NXPH1: variants seen among roughly 807,000 people sequenced by gnomAD.
NXPH1 encodes the protein neurexophilin-1.
A neutral mutation model predicts 23.7 loss-of-function variants in NXPH1; 5 were observed. The observed-to-expected ratio is 0.21, with a 90% confidence interval of 0.11 to 0.44. The LOEUF (loss-of-function observed/expected upper bound fraction) is 0.44. NXPH1 is among the 20% of genes least tolerant of loss of function. The pLI, the probability that NXPH1 is intolerant of heterozygous loss-of-function variation, is 0.99. For missense variants in NXPH1, 324 were observed against 321.6 expected (o/e 1.01, Z -0.06); for synonymous variants, 144 against 122.2 (o/e 1.18, Z -1.18).
Position 8,437,712 on chromosome 7 carries a change from G to T in NXPH1, c.54+1945G>T, listed in dbSNP as rs961658905. 2.6e-5 allele frequency among the ~76,000 whole-genome samples: 4 copies of T among 152,296 alleles called. No homozygotes were observed. In the South Asian group the frequency reaches 6.2e-4, roughly 24 times the overall value. On this transcript the variant is annotated intron_variant, in intron 2 of 2. Coordinates refer to ENST00000405863, the MANE Select transcript of NXPH1 (RefSeq NM_152745.3). ...TGCTGGATTTATTCTAATGCGCTGC[G>T]TTCTCAACAACAAGCGCATTAATTC...
intron 2 of NXPH1, among the ~76,000 whole-genome samples, chr7:8,648,464 T>A (rs1269347257): frequency 6.6e-6 from 1 of 152,214 alleles, no homozygotes; most frequent in Non-Finnish European, 1.5e-5. Context: ...GGATCTCCAG[T>A]TCCACCCGCG....
intron 2 of NXPH1, among the ~76,000 whole-genome samples, chr7:8,639,173 A>G (rs941036830): frequency 6.6e-6 from 1 of 152,180 alleles, no homozygotes. Context: ...TTTAATAACC[A>G]ACTAATAATA....
chr7:8,697,157 CAAAAAAAAAAAA>C (rs139349283), intron 2 of NXPH1, among the ~76,000 whole-genome samples: 1 of 104,890 alleles, frequency 9.5e-6, no homozygotes, highest in African/African-American at 3.6e-5. Flanking sequence ...GATTCTGTTT[CAAAAAAAAAAAA>C]AAAAAAAAAA....
At chr7:8,446,688 T>C (rs1240762758) in intron 2 of NXPH1, among the ~76,000 whole-genome samples, 1 of 152,188 alleles carries the variant, frequency 6.6e-6, no homozygotes, top group Admixed American at 6.5e-5. Flanking sequence ...CTACATTTTC[T>C]CATTTATTCT....
At chr7:8,585,278 A>T (rs974458955) in intron 2 of NXPH1, among the ~76,000 whole-genome samples, 1 of 152,222 alleles carries the variant, frequency 6.6e-6, no homozygotes, top group Non-Finnish European at 1.5e-5. Context: ...ACCTGCTGAC[A>T]GGTGCCCAGC....
rs186876840 is a variant in NXPH1, at chr7:8,448,334, C to T, written c.54+12567C>T. Among the ~76,000 whole-genome samples, 98 of 152,298 alleles carry T rather than the reference C, an allele frequency of 6.4e-4. 1 individual carries two copies. Among genetic ancestry groups the T allele is most frequent in the Admixed American group, 5.8e-3 (88 of 15,304 alleles). ...CTAACATTTTAGAAAGAAGGGTTTCCGGACCAGGTTCCCATGTGCTTCCAG... is the reference window on the plus strand; with the variant it reads ...CTAACATTTTAGAAAGAAGGGTTTCTGGACCAGGTTCCCATGTGCTTCCAG... On this transcript the variant is annotated intron_variant, in intron 2 of 2. Coordinates refer to ENST00000405863, the MANE Select transcript of NXPH1 (RefSeq NM_152745.3).
At chr7:8,615,360 C>G (rs1160171020) in intron 2 of NXPH1, among the ~76,000 whole-genome samples, 2 of 152,042 alleles carry the variant, frequency 1.3e-5, no homozygotes, top group African/African-American at 2.4e-5. Flanking sequence ...ATTTACTCAT[C>G]TGAAAAATGT....
At chr7:8,626,896 G>T (rs1820002468) in intron 2 of NXPH1, among the ~76,000 whole-genome samples, 1 of 151,940 alleles carries the variant, frequency 6.6e-6, no homozygotes, top group South Asian at 2.1e-4. Context: ...ATACACCTCT[G>T]CTCAGACTCC....
intron 2 of NXPH1, among the ~76,000 whole-genome samples, chr7:8,561,121 G>A (rs1818436631): frequency 1.3e-5 from 2 of 151,628 alleles, no homozygotes; most frequent in Non-Finnish European, 3.0e-5. Context: ...CAGTAGGATA[G>A]ACAGATGCAC....
chr7:8,714,038 G>T (rs1301576276), intron 2 of NXPH1, among the ~76,000 whole-genome samples: 1 of 152,174 alleles, frequency 6.6e-6, no homozygotes, highest in Non-Finnish European at 1.5e-5. Flanking sequence ...GCCAAACAAG[G>T]CCCTGGGTGG....
At chr7:8,506,414 A>C (rs557843670) in intron 2 of NXPH1, among the ~76,000 whole-genome samples, 8 of 152,238 alleles carry the variant, frequency 5.3e-5, no homozygotes, top group Admixed American at 1.3e-4. Flanking sequence ...CCTTTATAGG[A>C]TACTTGTGAA....
intron 2 of NXPH1, among the ~76,000 whole-genome samples, chr7:8,615,515 T>C (rs1269814045): frequency 6.6e-6 from 1 of 152,072 alleles, no homozygotes; most frequent in Non-Finnish European, 1.5e-5. Context: ...GAGGGCATAA[T>C]CTTTCCTATA....
chr7:8,691,912 G>A (rs1361268065), intron 2 of NXPH1, among the ~76,000 whole-genome samples: 1 of 152,102 alleles, frequency 6.6e-6, no homozygotes, highest in Admixed American at 6.5e-5. Context: ...TGCCTTCTAG[G>A]TTAGGGAAAG....
intron 2 of NXPH1, among the ~76,000 whole-genome samples, chr7:8,471,955 T>G (rs1307424666): frequency 6.6e-6 from 1 of 151,868 alleles, no homozygotes; most frequent in Non-Finnish European, 1.5e-5. Context: ...GTAATTTTAA[T>G]TCATTTATTA....
intron 2 of NXPH1, among the ~76,000 whole-genome samples, chr7:8,480,480 C>T (rs1817054303): frequency 6.6e-6 from 1 of 152,108 alleles, no homozygotes; most frequent in African/African-American, 2.4e-5. Flanking sequence ...TCTTGGAATC[C>T]AGAATTATTC....
chr7:8,652,759 T>C (rs921786053), intron 2 of NXPH1, among the ~76,000 whole-genome samples: 9 of 152,200 alleles, frequency 5.9e-5, no homozygotes, highest in South Asian at 2.1e-4. Flanking sequence ...CCAGAGGTGA[T>C]GCTTTTTATC....
intron 2 of NXPH1, among the ~76,000 whole-genome samples, chr7:8,670,161 C>T (rs1235301755): frequency 6.6e-6 from 1 of 152,126 alleles, no homozygotes; most frequent in Non-Finnish European, 1.5e-5. Context: ...TTGAGATGAA[C>T]TTCCCTCTGC....
At chr7:8,464,372 T>C (rs1355143859) in intron 2 of NXPH1, among the ~76,000 whole-genome samples, 1 of 152,216 alleles carries the variant, frequency 6.6e-6, no homozygotes. Context: ...TTCAAATTAT[T>C]TGATAGCCAT....
At chr7:8,560,507 C>T (rs575998266) in intron 2 of NXPH1, among the ~76,000 whole-genome samples, 4 of 151,818 alleles carry the variant, frequency 2.6e-5, no homozygotes, top group South Asian at 2.1e-4. Flanking sequence ...ATTACTGTTA[C>T]GCCCTCCAAT....
Sources: allele counts gnomAD v4.1 joint callset (sites outside exome capture counted in the v4.1 genomes callset), GRCh38; gene constraint gnomAD v4.1.1; transcripts MANE v1.5; gene names NCBI Gene and HGNC (gene_info 2026-07-23, HGNC 2026-07-21).